TENM3: variants seen among roughly 807,000 people sequenced by gnomAD.
TENM3 encodes teneurin transmembrane protein 3, also known as teneurin-3.
A neutral mutation model predicts 255.1 loss-of-function variants in TENM3; 63 were observed. That is an observed-to-expected ratio of 0.25 (90% confidence interval 0.20 to 0.30). The LOEUF (loss-of-function observed/expected upper bound fraction) is 0.30. TENM3 is among the 10% of genes least tolerant of loss of function. The pLI is 1.00. For missense variants in TENM3, 2,929 were observed against 3,461.1 expected, an observed-to-expected ratio of 0.85 and a Z score of 3.86; for synonymous variants, 1,306 against 1,322.3, an observed-to-expected ratio of 0.99 and a Z score of 0.27.
intron 22 of TENM3, among the ~76,000 whole-genome samples, chr4:182,766,197 G>T (rs1319402426): frequency 1.3e-5 from 2 of 152,056 alleles, no homozygotes; most frequent in Non-Finnish European, 2.9e-5. Context: ...AGCACTTCCA[G>T]ACCCATGGAA....
At chr4:182,039,512 A>G in the TENM3 span, among the ~76,000 whole-genome samples, 12 of 152,330 alleles carry the variant, frequency 7.9e-5, no homozygotes, top group Non-Finnish European at 1.3e-4. Context: ...AACACCAAGG[A>G]CATATATGCA....
the TENM3 span, among the ~76,000 whole-genome samples, chr4:181,987,678 A>G: frequency 6.6e-6 from 1 of 152,158 alleles, no homozygotes; most frequent in Non-Finnish European, 1.5e-5. Context: ...ACAACGGCAT[A>G]AGGAAAATGT....
At chr4:182,387,898 G>A (rs904077997) in intron 3 of TENM3, among the ~76,000 whole-genome samples, 1 of 147,904 alleles carries the variant, frequency 6.8e-6, no homozygotes, top group East Asian at 2.0e-4. Flanking sequence ...CACCAATTCC[G>A]GACACAATAG....
intron 3 of TENM3, among the ~76,000 whole-genome samples, chr4:182,555,393 G>A (rs1389265421): frequency 6.6e-6 from 1 of 152,054 alleles, no homozygotes; most frequent in East Asian, 1.9e-4. Flanking sequence ...CATTATGTTA[G>A]TATAATTGTG....
the TENM3 span, among the ~76,000 whole-genome samples, chr4:182,074,089 G>A: frequency 6.6e-6 from 1 of 152,144 alleles, no homozygotes. Context: ...ATCTGGCAGG[G>A]TCCCAGCTCT....
At chr4:182,767,122 A>ATTTC in intron 22 of TENM3, among the ~76,000 whole-genome samples, 1 of 152,196 alleles carries the variant, frequency 6.6e-6, no homozygotes, top group Admixed American at 6.5e-5. Flanking sequence ...ATTTTTGAGG[A>ATTTC]TTTCTTACTA....
chr4:181,503,038 C>T, the TENM3 span, among the ~76,000 whole-genome samples: 1 of 152,156 alleles, frequency 6.6e-6, no homozygotes, highest in Non-Finnish European at 1.5e-5. Context: ...AATGGGAAGA[C>T]ACTTTGGAAA....
chr4:181,854,777 T>G, the TENM3 span, among the ~76,000 whole-genome samples: 39 of 152,238 alleles, frequency 2.6e-4, no homozygotes, highest in Non-Finnish European at 4.7e-4. Context: ...GGTCATCATT[T>G]ATGAAGGATC....
intron 1 of TENM3, among the ~76,000 whole-genome samples, chr4:182,173,486 A>G (rs1043192964): frequency 6.6e-6 from 1 of 152,194 alleles, no homozygotes; most frequent in Admixed American, 6.5e-5. Context: ...AAAGCTTTCA[A>G]TTAGGAACCA....
the TENM3 span, among the ~76,000 whole-genome samples, chr4:181,806,733 T>C: frequency 6.6e-6 from 1 of 152,178 alleles, no homozygotes; most frequent in Non-Finnish European, 1.5e-5. Flanking sequence ...TAAATGTCTG[T>C]CCTTAACAAA....
chr4:181,761,926 C>T, the TENM3 span, among the ~76,000 whole-genome samples: 1 of 152,158 alleles, frequency 6.6e-6, no homozygotes, highest in Non-Finnish European at 1.5e-5. Flanking sequence ...CAAGAAAATA[C>T]TTCCAGGACA....
the TENM3 span, among the ~76,000 whole-genome samples, chr4:182,109,428 C>T: frequency 2.0e-4 from 30 of 151,490 alleles, no homozygotes; most frequent in African/African-American, 6.5e-4. Flanking sequence ...GTAGACAAAT[C>T]GTTTTGAATA....
At chr4:182,694,373 C>G (rs1579134705) in intron 12 of TENM3, among the ~76,000 whole-genome samples, 1 of 152,234 alleles carries the variant, frequency 6.6e-6, no homozygotes, top group South Asian at 2.1e-4. Flanking sequence ...CTCAGCCTCC[C>G]AAGGTGCTGG....
the TENM3 span, among the ~76,000 whole-genome samples, chr4:181,895,915 C>T: frequency 4.6e-5 from 7 of 152,098 alleles, no homozygotes; most frequent in South Asian, 2.1e-4. Flanking sequence ...ATTGTGTCTC[C>T]ATTGGCAAAA....
At chr4:182,210,990 G>A (rs998771189) in intron 1 of TENM3, among the ~76,000 whole-genome samples, 1 of 152,108 alleles carries the variant, frequency 6.6e-6, no homozygotes, top group Non-Finnish European at 1.5e-5. Context: ...CCTCCTAAGG[G>A]AGTGATGTGT....
At chr4:181,994,061 C>T in the TENM3 span, among the ~76,000 whole-genome samples, 1 of 152,076 alleles carries the variant, frequency 6.6e-6, no homozygotes, top group African/African-American at 2.4e-5. Context: ...ATTTTCTCAG[C>T]TTACTTTTCA....
intron 1 of TENM3, among the ~76,000 whole-genome samples, chr4:182,165,789 T>G (rs557238085): frequency 8.5e-5 from 13 of 152,226 alleles, no homozygotes; most frequent in African/African-American, 3.1e-4. Context: ...CAGTTTTTTG[T>G]TTTTTTGAGA....
chr4:181,570,038 T>TC, the TENM3 span, among the ~76,000 whole-genome samples: 1 of 144,160 alleles, frequency 6.9e-6, no homozygotes, highest in Non-Finnish European at 1.5e-5. Context: ...AATGTTTCTT[T>TC]TTTTTTTTTT....
chr4:182,250,864 C>T (rs774503315), intron 1 of TENM3, among the ~76,000 whole-genome samples: 2 of 152,212 alleles, frequency 1.3e-5, no homozygotes, highest in African/African-American at 2.4e-5. Context: ...TAAGGTCTCC[C>T]GCACCAACTG....
Sources: gnomAD v4.1 joint callset for allele counts (sites outside exome capture counted in the v4.1 genomes callset) on GRCh38, gnomAD v4.1.1 for gene constraint, MANE v1.5 for transcripts, NCBI Gene and HGNC (gene_info 2026-07-23, HGNC 2026-07-21) for gene names.